The following RIIAD1 variants were observed in gnomAD, a reference collection of about 807,000 sequenced individuals.
RIIAD1 encodes the protein RIIa domain-containing protein 1.
A neutral mutation model predicts 13.3 loss-of-function variants in RIIAD1; 15 were observed. The observed-to-expected ratio is 1.13, with a 90% CI of 0.76 to 1.74. The LOEUF (loss-of-function observed/expected upper bound fraction) is 1.74, where lower values mean the gene tolerates loss of function less well. Ranked by LOEUF, RIIAD1 falls within the 40% of genes most tolerant of loss-of-function variation. The pLI is 0.00. For missense variants in RIIAD1, 121 were observed against 112.2 expected, an observed-to-expected ratio of 1.08 and a Z score of -0.35; for synonymous variants, 50 against 43.3, an observed-to-expected ratio of 1.16 and a Z score of -0.61.
chr1:151,714,705 G>T, intron 4 of RIIAD1: 2 of 1,480,652 alleles, frequency 1.4e-6, no homozygotes, highest in South Asian at 2.4e-5. Context: ...AGAGAAACAC[G>T]GCGGGGGGTG....
At chr1:151,723,137 G>A (rs1673767976) in intron 2 of RIIAD1, among the ~76,000 whole-genome samples, 2 of 152,232 alleles carry the variant, frequency 1.3e-5, no homozygotes, top group Admixed American at 1.3e-4. Flanking sequence ...GCTCATGCCT[G>A]TAATCCCAGC....
intron 2 of RIIAD1, among the ~76,000 whole-genome samples, chr1:151,723,780 G>C (rs1361300583): frequency 6.6e-6 from 1 of 152,200 alleles, no homozygotes; most frequent in Non-Finnish European, 1.5e-5. Context: ...AGGGCAGATA[G>C]GGGAAGGAAA....
At chr1:151,719,698 G>A (rs1013975826), upstream of RIIAD1, 4 of 702,096 alleles carry the variant, frequency 5.7e-6, no homozygotes, top group Admixed American at 8.0e-5. Context: ...GGTAAGACAG[G>A]CCAACACAAT....
intron 2 of RIIAD1, among the ~76,000 whole-genome samples, chr1:151,722,707 A>C (rs531375580): frequency 2.6e-5 from 4 of 152,214 alleles, no homozygotes; most frequent in African/African-American, 4.8e-5. Flanking sequence ...ACAAGGTTTA[A>C]ATAATTATAA....
rs1350541064 is a variant in RIIAD1, at chr1:151,727,487, A to G, written c.162-88A>G. On this transcript the variant is annotated intron_variant, in intron 2 of 4. Coordinates refer to ENST00000479191, the MANE Select transcript of RIIAD1 (RefSeq NM_001144956.3). ...CCCAAGATGGTTGTGTCTCAGGTTCATCTGTGAAAGTACAGGACCTGAAAC... is the reference window on the plus strand; with the variant it reads ...CCCAAGATGGTTGTGTCTCAGGTTCGTCTGTGAAAGTACAGGACCTGAAAC... 15 of 840,372 alleles carry G rather than the reference A, an allele frequency of 1.8e-5. No homozygotes were observed. In the East Asian group the frequency reaches 4.0e-4, roughly 22 times the overall value. The allele number at this position is 840,372 out of a possible 1,614,324, so 52.1% of individuals were successfully genotyped here.
Position 151,728,781 on chromosome 1 carries a change from C to T in RIIAD1, c.224C>T (p.Pro75Leu), listed in dbSNP as rs1318022924. The T allele has an allele frequency of 6.5e-7, 1 of 1,540,922 alleles. No homozygotes were observed. Among genetic ancestry groups the T allele is most frequent in the South Asian group, 1.2e-5 (1 of 83,786 alleles). Reference sequence around the variant, plus strand: ...TTTATCCCAGACTACTTCACGGATCCAAGACTTCCCAACAAGATTCACATG... The same window carrying T: ...TTTATCCCAGACTACTTCACGGATCTAAGACTTCCCAACAAGATTCACATG... ...LEFAADYFTDPRLPNKIHMQL... is the reference protein window; with the variant it reads ...LEFAADYFTDLRLPNKIHMQL... The change falls in exon 4 of 5, where the codon CCA becomes CTA. Residue 75 changes from proline (P) to leucine (L), a missense_variant. Coordinates refer to ENST00000479191, the MANE Select transcript of RIIAD1 (RefSeq NM_001144956.3).
chr1:151,725,409 T>A (rs1346849249), intron 2 of RIIAD1, among the ~76,000 whole-genome samples: 1 of 152,094 alleles, frequency 6.6e-6, no homozygotes, highest in Admixed American at 6.5e-5. Context: ...ATCATGTCCT[T>A]CCTTGGCTGG....
intron 4 of RIIAD1, chr1:151,715,522 G>GCACA (rs141638568): frequency 1.2e-6 from 1 of 804,054 alleles, no homozygotes; most frequent in Non-Finnish European, 1.8e-6. Flanking sequence ...TGCTGCACAC[G>GCACA]CACACACACA....
At chr1:151,713,425 C>T (rs975693356) in intron 2 of RIIAD1, 1 of 152,282 alleles carries the variant, frequency 6.6e-6, no homozygotes, top group Non-Finnish European at 1.5e-5. Context: ...CCACTCCAGT[C>T]CTCTTTATCT....
At position 151,716,463 on chromosome 1, in the gene RIIAD1, T is replaced by C. The variant is rs116185037; in HGVS notation, c.21+1934T>C. Reference sequence around the variant, plus strand: ...GACTGAGGGGTTAAGGGGCCTGCTATGGTTGCCAGCAGCGTCAGTAAGGGG... The same window carrying C: ...GACTGAGGGGTTAAGGGGCCTGCTACGGTTGCCAGCAGCGTCAGTAAGGGG... On this transcript the variant is annotated intron_variant, in intron 4 of 8. Coordinates refer to the RIIAD1 transcript ENST00000326413. 8.6e-3 allele frequency: 2,652 copies of C among 307,210 alleles called. 77 individuals carry two copies. The highest frequency in any genetic ancestry group is 0.055 in the African/African-American group (2,489 of 45,654). 19.0% of individuals were successfully genotyped at this position (307,210 alleles called of 1,614,324 possible). A position where few individuals can be genotyped will look rare whatever the true frequency, so the allele number is the denominator to read the frequency against.
chr1:151,717,584 C>A (rs1437078763), upstream of RIIAD1, among the ~76,000 whole-genome samples: 4 of 152,254 alleles, frequency 2.6e-5, no homozygotes, highest in African/African-American at 9.6e-5. Flanking sequence ...TGTCTAGCAC[C>A]CTGTCTTGCT....
exon 3 of RIIAD1, chr1:151,713,523 CTG>C (rs1340486077): frequency 2.0e-5 from 3 of 152,222 alleles, no homozygotes; most frequent in Non-Finnish European, 4.4e-5. Flanking sequence ...GAGATGAAAA[CTG>C]TTGATTTGTG....
Position 151,721,533 on chromosome 1 carries a change from C to A in RIIAD1, c.-4C>A. The A allele has an allele frequency of 7.6e-7, 1 of 1,320,706 alleles. No homozygotes were observed. Among genetic ancestry groups the A allele is most frequent in the East Asian group, 3.1e-5 (1 of 32,026 alleles). 81.8% of individuals were successfully genotyped at this position (1,320,706 alleles called of 1,614,324 possible). ...CGGCCGGTCGCCTTGACGACCGCAGCAAGATGGAGACGCTGCCAGGCTTGC... is the reference window on the plus strand; with the variant it reads ...CGGCCGGTCGCCTTGACGACCGCAGAAAGATGGAGACGCTGCCAGGCTTGC... On this transcript the variant is annotated 5_prime_UTR_variant, in exon 1 of 5. Coordinates refer to ENST00000479191, the MANE Select transcript of RIIAD1 (RefSeq NM_001144956.3).
intron 4 of RIIAD1, chr1:151,715,977 G>A (rs1171665432): frequency 5.0e-6 from 8 of 1,614,096 alleles, no homozygotes; most frequent in East Asian, 2.2e-5. Context: ...CAGATGCCTC[G>A]GGATCTGCCC....
At chr1:151,722,888 C>T (rs1227557660) in intron 2 of RIIAD1, among the ~76,000 whole-genome samples, 1 of 152,172 alleles carries the variant, frequency 6.6e-6, no homozygotes, top group Admixed American at 6.5e-5. Flanking sequence ...TTTTGCTGAT[C>T]CTCCCAGCAC....
At chr1:151,716,960 C>G (rs1293022865), upstream of RIIAD1, 3 of 341,754 alleles carry the variant, frequency 8.8e-6, no homozygotes, top group East Asian at 2.6e-4. Flanking sequence ...CCCTGACTCC[C>G]TTCCCGCCCC....
intron 3 of RIIAD1, chr1:151,713,623 A>C (rs1016266419): frequency 1.3e-5 from 2 of 152,158 alleles, no homozygotes; most frequent in Non-Finnish European, 2.9e-5. Context: ...CAAACCCCAC[A>C]CATCTGGCCT....
rs758638471 is a variant in RIIAD1 at position 151,721,565 on chromosome 1, G to A, written c.29G>A (p.Arg10Gln). 8 of 1,326,928 alleles carry A rather than the reference G, an allele frequency of 6.0e-6. No homozygotes were observed. In the Admixed American group the frequency reaches 2.7e-4, roughly 44 times the overall value. The allele number at this position is 1,326,928 out of a possible 1,614,324, so 82.2% of individuals were successfully genotyped here. ...GAGACGCTGCCAGGCTTGCTGCAGC[G>A]GCCCGACCCCGGGGCGCTTAGCGCA... The part of the protein sequence containing the change: METLPGLLQ[R>Q]PDPGALSAAQ... The change falls in exon 1 of 5, where the codon CGG (arginine) becomes CAG (glutamine). Residue 10 changes from arginine to glutamine, a missense_variant. Coordinates refer to ENST00000479191, the MANE Select transcript of RIIAD1 (RefSeq NM_001144956.3).
At chr1:151,715,523 C>T in intron 4 of RIIAD1, 2 of 696,866 alleles carry the variant, frequency 2.9e-6, no homozygotes, top group Non-Finnish European at 4.3e-6. Flanking sequence ...GCTGCACACG[C>T]ACACACACAC....
Sources: gnomAD v4.1 joint callset for allele counts (sites outside exome capture counted in the v4.1 genomes callset) on GRCh38, gnomAD v4.1.1 for gene constraint, MANE v1.5 for transcripts, NCBI Gene and HGNC (gene_info 2026-07-23, HGNC 2026-07-21) for gene names.